Variants in RGS21 observed in about 807,000 individuals in gnomAD.
RGS21 encodes the protein regulator of G-protein signalling 21.
In RGS21, 19 loss-of-function variants were observed where a neutral mutation model predicts 18.7. The ratio of observed to expected loss-of-function variants is 1.01; its 90% CI spans 0.71 to 1.49. The LOEUF is 1.49. Ranked by LOEUF, RGS21 falls within the 40% of genes most tolerant of loss-of-function variation. The probability of loss-of-function intolerance (pLI) is 0.00; values close to 1 mark genes in which losing one functional copy is unlikely to be tolerated. For synonymous variants in RGS21, 56 were observed against 57.8 expected, an observed-to-expected ratio of 0.97 and a Z score of 0.14; for missense variants, 194 against 176.8, an observed-to-expected ratio of 1.10 and a Z score of -0.55.
At chr1:192,321,930 C>G (rs188199148) in intron 1 of RGS21, among the ~76,000 whole-genome samples, 158 of 152,208 alleles carry the variant, frequency 1.0e-3, no homozygotes, top group African/African-American at 3.6e-3. Flanking sequence ...TTCCCCAACA[C>G]ACACACAGAG....
intron 1 of RGS21, among the ~76,000 whole-genome samples, chr1:192,333,269 TACACACACACACAC>T (rs137948736): frequency 9.1e-5 from 13 of 143,014 alleles, no homozygotes; most frequent in Non-Finnish European, 1.1e-4. Flanking sequence ...GTTTCTTAAA[TACACACACACACAC>T]ACACACACAC....
At chr1:192,346,324 GTA>G (rs1658943600) in intron 2 of RGS21, among the ~76,000 whole-genome samples, 1 of 152,050 alleles carries the variant, frequency 6.6e-6, no homozygotes, top group Non-Finnish European at 1.5e-5. Context: ...CTTCACACTA[GTA>G]TGTTTAAGAT....
At chr1:192,337,638 G>A (rs1658790916) in intron 1 of RGS21, among the ~76,000 whole-genome samples, 1 of 151,964 alleles carries the variant, frequency 6.6e-6, no homozygotes, top group Non-Finnish European at 1.5e-5. Context: ...CACAGGGGGA[G>A]GGGTCAATTA....
chr1:192,331,570 TAAATA>T (rs1658651859), intron 1 of RGS21, among the ~76,000 whole-genome samples: 1 of 150,686 alleles, frequency 6.6e-6, no homozygotes, highest in African/African-American at 2.4e-5. Flanking sequence ...AATAAATAAA[TAAATA>T]AATAAATAAA....
rs564342059 is a variant in RGS21, at chr1:192,337,635, G to A, written c.-60-5342G>A. On this transcript the variant is annotated intron_variant, in intron 1 of 4. Coordinates refer to ENST00000417209, the MANE Select transcript of RGS21 (RefSeq NM_001039152.3). ...CAACACAGAAATGTAAAACACAGGG[G>A]GAGGGGTCAATTAAGTGATTATTTA... Among the ~76,000 whole-genome samples, 15 of 152,032 alleles carry A rather than the reference G, an allele frequency of 9.9e-5. No homozygotes were observed. In the South Asian group the frequency reaches 2.7e-3, roughly 27 times the overall value.
chr1:192,364,874 T>A (rs1659232531), intron 4 of RGS21, among the ~76,000 whole-genome samples: 1 of 152,256 alleles, frequency 6.6e-6, no homozygotes, highest in African/African-American at 2.4e-5. Flanking sequence ...GGCTCATCCC[T>A]ATAATCCCAG....
intron 1 of RGS21, among the ~76,000 whole-genome samples, chr1:192,337,821 T>C (rs941573825): frequency 1.3e-5 from 2 of 152,204 alleles, no homozygotes; most frequent in Admixed American, 6.5e-5. Context: ...ATATCTATCA[T>C]ACTATTTTAA....
chr1:192,319,415 A>C (rs544521158), intron 1 of RGS21, among the ~76,000 whole-genome samples: 1 of 152,284 alleles, frequency 6.6e-6, no homozygotes, highest in South Asian at 2.1e-4. Context: ...TAGGTTATCC[A>C]AAAATAAGAA....
At chr1:192,318,011 A>AT (rs1484471266) in intron 1 of RGS21, among the ~76,000 whole-genome samples, 1 of 151,190 alleles carries the variant, frequency 6.6e-6, no homozygotes, top group African/African-American at 2.5e-5. Context: ...GGTTTGTACC[A>AT]TGCCCTAAAA....
chr1:192,346,710 T>C (rs1434502387), intron 2 of RGS21, among the ~76,000 whole-genome samples: 3 of 152,114 alleles, frequency 2.0e-5, no homozygotes, highest in African/African-American at 4.8e-5. Context: ...TATTACTCTG[T>C]CTTGACAGAT....
chr1:192,320,644 G>T (rs1658483311), intron 1 of RGS21, among the ~76,000 whole-genome samples: 1 of 151,902 alleles, frequency 6.6e-6, no homozygotes, highest in Non-Finnish European at 1.5e-5. Flanking sequence ...AGGGCTACCA[G>T]TGATAAAGCT....
intron 1 of RGS21, among the ~76,000 whole-genome samples, chr1:192,326,332 A>G (rs1658568191): frequency 6.6e-6 from 1 of 152,142 alleles, no homozygotes; most frequent in Admixed American, 6.6e-5. Flanking sequence ...AAGCCAAATT[A>G]GACTCTCTTA....
chr1:192,366,479 A>G lies in RGS21; in HGVS notation c.*355A>G, dbSNP rs1659261171. On this transcript the variant is annotated 3_prime_UTR_variant, in exon 5 of 5. Coordinates refer to ENST00000417209, the MANE Select transcript of RGS21 (RefSeq NM_001039152.3). ...CATCATATACACAATTTTAAATACC[A>G]TTGCTTTATTCAAAAAAATCTCACT... 1 of 153,980 alleles carries G rather than the reference A, an allele frequency of 6.5e-6. No individual in the cohort carries two copies. Among genetic ancestry groups the G allele is most frequent in the Non-Finnish European group, 1.4e-5 (1 of 69,358 alleles). 9.5% of individuals were successfully genotyped at this position (153,980 alleles called of 1,614,324 possible).
At chr1:192,357,893 T>A (rs1044333940) in intron 4 of RGS21, among the ~76,000 whole-genome samples, 10 of 152,042 alleles carry the variant, frequency 6.6e-5, no homozygotes, top group Non-Finnish European at 2.9e-5. Flanking sequence ...CTTCTAATAA[T>A]CTGCAGAATC....
intron 3 of RGS21, among the ~76,000 whole-genome samples, chr1:192,351,813 T>A (rs1351599098): frequency 6.8e-6 from 1 of 147,764 alleles, no homozygotes; most frequent in Admixed American, 6.8e-5. Flanking sequence ...ATAACATATA[T>A]GTGCTATATA....
intron 1 of RGS21, among the ~76,000 whole-genome samples, chr1:192,330,236 T>A (rs578105789): frequency 3.7e-4 from 56 of 152,318 alleles, no homozygotes; most frequent in East Asian, 7.7e-4. Context: ...ACAGATCATT[T>A]CCAGTTCTGT....
intron 1 of RGS21, among the ~76,000 whole-genome samples, chr1:192,339,830 T>A (rs1658830643): frequency 6.6e-6 from 1 of 152,148 alleles, no homozygotes; most frequent in Admixed American, 6.6e-5. Flanking sequence ...TAAAGTGGTT[T>A]ATGAGTATAA....
chr1:192,347,019 T>A (rs537213433), intron 2 of RGS21, among the ~76,000 whole-genome samples: 1 of 152,166 alleles, frequency 6.6e-6, no homozygotes, highest in South Asian at 2.1e-4. Flanking sequence ...TGAAAAGAAA[T>A]TCACCATTGA....
intron 1 of RGS21, among the ~76,000 whole-genome samples, chr1:192,320,194 T>C (rs1170329083): frequency 6.6e-6 from 1 of 152,024 alleles, no homozygotes. Context: ...GTACTAGGCT[T>C]AATATCTGGG....
Sources: gnomAD v4.1 joint callset for allele counts (sites outside exome capture counted in the v4.1 genomes callset) on GRCh38, gnomAD v4.1.1 for gene constraint, MANE v1.5 for transcripts, NCBI Gene and HGNC (gene_info 2026-07-23, HGNC 2026-07-21) for gene names.